Variants in AHNAK2 observed in about 807,000 individuals in gnomAD.
AHNAK2 encodes AHNAK nucleoprotein 2, also known as protein AHNAK2.
A neutral mutation model predicts 30.7 loss-of-function variants in AHNAK2; 18 were observed. The ratio of observed to expected loss-of-function variants is 0.59; its 90% confidence interval spans 0.41 to 0.87. AHNAK2 has a LOEUF of 0.87. Ranked by LOEUF, AHNAK2 falls within the 40% of genes least tolerant of loss-of-function variation. AHNAK2 has a pLI of 0.00. For synonymous variants in AHNAK2, 3,590 were observed against 3,073.8 expected, an observed-to-expected ratio of 1.17 and a Z score of -5.56; for missense variants, 8,604 against 7,373.0, an observed-to-expected ratio of 1.17 and a Z score of -6.11.
Position 104,947,489 on chromosome 14 carries a change from C to T in AHNAK2, c.7962G>A (p.Lys2654=). 1 of 1,612,750 alleles carries T rather than the reference C, an allele frequency of 6.2e-7. No individual in the cohort carries two copies. Among genetic ancestry groups the T allele is most frequent in the Non-Finnish European group, 8.5e-7 (1 of 1,179,540 alleles). Residue 2654 remains lysine (K), a synonymous_variant, in exon 7 of 7, where the codon AAG becomes AAA. Transcript: ENST00000333244. ...KDSKFKMPKF[K]MPSFRVSAPG... Reference sequence around the variant, plus strand: ...GGGCCGACACCCTGAATGATGGCATCTTGAACTTGGGCATTTTGAACTTGC... The same window carrying T: ...GGGCCGACACCCTGAATGATGGCATTTTGAACTTGGGCATTTTGAACTTGC...
rs774100157 is a variant in AHNAK2 at position 104,939,224 on chromosome 14, A to G, written c.16227T>C (p.Thr5409=). The change falls in exon 7 of 7, where the codon ACT becomes ACC. Residue 5409 remains threonine, a synonymous_variant. Transcript: ENST00000333244. The stretch of plus-strand genomic sequence containing the variant: ...CCTCTGGACACTGCACTTCCCTCAC[A>G]GTGGGGATGAACACATCATCCTCTG... ...PSSEDDVFIP[T]VREVQCPEAN... 8 of 1,613,884 alleles carry G rather than the reference A, an allele frequency of 5.0e-6. No homozygotes were observed. Among genetic ancestry groups the G allele is most frequent in the East Asian group, 2.2e-5 (1 of 44,892 alleles).
In AHNAK2 at chr14:104,939,657, G is replaced by A; in HGVS notation, c.15794C>T (p.Ser5265Phe). The change falls in exon 7 of 7, where the codon TCC (serine) becomes TTC (phenylalanine). Residue 5265 changes from serine to phenylalanine, a missense_variant. Transcript: ENST00000333244. ...AEVTASESKS[S>F]TDILRCDLDS... ...AAGATCACACCTTAGAATATCTGTG[G>A]ATGATTTGCTCTCAGAAGCTGTCAC... 1 of 1,613,898 alleles carries A rather than the reference G, an allele frequency of 6.2e-7. No homozygotes were observed. Among genetic ancestry groups the A allele is most frequent in the Non-Finnish European group, 8.5e-7 (1 of 1,179,900 alleles).
At chr14:104,961,255 C>T (rs1454902273) in intron 1 of AHNAK2, among the ~76,000 whole-genome samples, 1 of 152,092 alleles carries the variant, frequency 6.6e-6, no homozygotes, top group Non-Finnish European at 1.5e-5. Flanking sequence ...TGGCTCACGC[C>T]TGTAATCCCA....
Position 104,940,742 on chromosome 14 carries a change from C to G in AHNAK2, c.14709G>C (p.Gln4903His), listed in dbSNP as rs757909298. ...GCAGCTGGGTGCTTGGCAAGGGGCA[C>G]TGCACTCTTTCTCCAGGGCTAAGAG... The part of the protein sequence containing the change: ...MSPLSPGERV[Q>H]CPLPSTQLPS... The change falls in exon 7 of 7, where the codon CAG becomes CAC. Residue 4903 changes from glutamine (Q) to histidine (H), a missense_variant. By Grantham distance (24) the Gln-to-His change is conservative. Transcript: ENST00000333244. The surrounding 1 kb of genome is among the most constrained non-coding windows in gnomAD (Gnocchi z 4.4). The G allele has an allele frequency of 3.7e-6, 6 of 1,612,928 alleles. No individual in the cohort carries two copies. The Admixed American group carries it at 1.0e-4, about 27-fold the overall frequency.
At chr14:104,955,311 T>A in intron 5 of AHNAK2, 170 bp from the exon 6 acceptor site, 4 of 1,273,892 alleles carry the variant, frequency 3.1e-6, no homozygotes, top group Non-Finnish European at 4.2e-6. Context: ...GTGGATGGGG[T>A]CCCCCATTTT....
Position 104,949,505 on chromosome 14 carries a change from A to T in AHNAK2, c.5946T>A (p.Thr1982=), listed in dbSNP as rs752774278. The T allele has an allele frequency of 5.0e-6, 8 of 1,587,948 alleles. 1 individual carries two copies. Among genetic ancestry groups the T allele is most frequent in the East Asian group, 4.5e-5 (2 of 44,632 alleles). ...GCATTTTGAACTTGCTGTCTTTGGC[A>T]GTCATGTCCTTGTCGGCCAGGGACA... ...GDLSLADKDM[T]AKDSKFKMPK... is the part of the protein sequence containing the mutation. The change falls in exon 7 of 7, where the codon ACT becomes ACA. Residue 1982 remains threonine (T), a synonymous_variant. Coordinates refer to ENST00000333244, the MANE Select transcript of AHNAK2 (RefSeq NM_138420.4).
In AHNAK2 at chr14:104,948,795, A is replaced by G. The variant is rs571677006; in HGVS notation, c.6656T>C (p.Val2219Ala). 2 of 1,612,164 alleles carry G rather than the reference A, an allele frequency of 1.2e-6. No homozygotes were observed. The highest frequency in any genetic ancestry group is 2.2e-5 in the East Asian group (1 of 44,704). The stretch of plus-strand genomic sequence containing the variant: ...GGGCACAGGGCCCTCCAGGAGTTTC[A>G]CGTCCACCTGGCCAGCCTGGACCTT... ...DVKVQAGQVDVKLLEGPVPEE... is the reference protein window; with the variant it reads ...DVKVQAGQVDAKLLEGPVPEE... The change falls in exon 7 of 7, where the codon GTG (valine) becomes GCG (alanine). Residue 2219 changes from valine to alanine, a missense_variant. By Grantham distance (64) the Val-to-Ala change is moderately conservative (BLOSUM62 0). Transcript: ENST00000333244.
chr14:104,942,575 A>T lies in AHNAK2; in HGVS notation c.12876T>A (p.Thr4292=), dbSNP rs181294528. The part of the protein sequence containing the change: ...GDLSLADKDM[T]AKDSKFKMPK... ...GCATTTTGAACTTGCTGTCTTTGGC[A>T]GTCATGTCCTTGTCGGCTAGGGACA... The change falls in exon 7 of 7, where the codon ACT becomes ACA. Residue 4292 remains threonine (T), a synonymous_variant. Transcript: ENST00000333244. The T allele has an allele frequency of 4.3e-6, 7 of 1,612,692 alleles. No homozygotes were observed. The highest frequency in any genetic ancestry group is 2.2e-5 in the East Asian group (1 of 44,744).
At position 104,947,419 on chromosome 14, in the gene AHNAK2, C is replaced by T; in HGVS notation, c.8032G>A (p.Val2678Met). 1 of 1,612,768 alleles carries T rather than the reference C, an allele frequency of 6.2e-7. No homozygotes were observed. Among genetic ancestry groups the T allele is most frequent in the Admixed American group, 1.7e-5 (1 of 59,928 alleles). The change falls in exon 7 of 7, where the codon GTG (valine) becomes ATG (methionine). Residue 2678 changes from valine to methionine, a missense_variant. Val to Met is a conservative substitution (Grantham distance 21). Coordinates refer to ENST00000333244, the MANE Select transcript of AHNAK2 (RefSeq NM_138420.4). The stretch of plus-strand genomic sequence containing the variant: ...GAGGGGAGGCTCATGTCGGCTTCCA[C>T]CTTCAGCTCAGACACATCCACCAAC... ...EALVDVSELK[V>M]EADMSLPSMQ...
chr14:104,945,172 C>A lies in AHNAK2; in HGVS notation c.10279G>T (p.Val3427Leu). 1 of 1,613,400 alleles carries A rather than the reference C, an allele frequency of 6.2e-7. No homozygotes were observed. The highest frequency in any genetic ancestry group is 1.1e-5 in the South Asian group (1 of 91,056). The change falls in exon 7 of 7, where the codon GTG becomes TTG. Residue 3427 changes from valine (V) to leucine (L), a missense_variant. Coordinates refer to ENST00000333244, the MANE Select transcript of AHNAK2 (RefSeq NM_138420.4). ...KLDLKVPKAE[V>L]TVPDVEVSLP... ...GACACCTCCACATCAGGGACTGTCA[C>A]TTCCGCCTTGGGGACTTTTAGGTCC...
In AHNAK2 at chr14:104,945,616, C is replaced by T. The variant is rs371023502; in HGVS notation, c.9835G>A (p.Glu3279Lys). The T allele has an allele frequency of 2.1e-5, 34 of 1,586,734 alleles. No homozygotes were observed. Among genetic ancestry groups the T allele is most frequent in the Admixed American group, 5.1e-5 (3 of 58,356 alleles). Residue 3279 changes from glutamate (E) to lysine (K), a missense_variant, in exon 7 of 7, where the codon GAG (glutamate) becomes AAG (lysine). Coordinates refer to ENST00000333244, the MANE Select transcript of AHNAK2 (RefSeq NM_138420.4). Reference protein sequence around the residue: ...VSQPSMEVDVEAPGAKLDGAR... With the variant: ...VSQPSMEVDVKAPGAKLDGAR... ...CCATCCAACTTGGCTCCTGGGGCCT[C>T]GACGTCCACCTCCATGCTGGGCTGA...
chr14:104,954,539 GA>G lies in AHNAK2; in HGVS notation c.911del (p.Leu304ProfsTer84). 1 of 1,610,376 alleles carries G rather than the reference GA, an allele frequency of 6.2e-7. No individual in the cohort carries two copies. ...SPTSTDTEAQ[L>X]TVERQEQKAG... Reference sequence around the variant, plus strand: ...CCTTCTGCTCTTGGCGCTCCACCGTGAGCTGGGCCTCTGTGTCTGTGCTTGT... The same window carrying G: ...CCTTCTGCTCTTGGCGCTCCACCGTGGCTGGGCCTCTGTGTCTGTGCTTGT... On this transcript the variant is annotated frameshift_variant, in exon 7 of 7. Transcript: ENST00000333244. LOFTEE classifies it low-confidence loss of function (END_TRUNC). The surrounding 1 kb of genome is among the most constrained non-coding windows in gnomAD (Gnocchi z 4.3).
At chr14:104,976,642 C>T (rs572571996) in intron 1 of AHNAK2, among the ~76,000 whole-genome samples, 28 of 152,280 alleles carry the variant, frequency 1.8e-4, no homozygotes, top group African/African-American at 5.3e-4. Flanking sequence ...CGGATGGTTC[C>T]GTAGGCTGGA....
Position 104,955,109 on chromosome 14 carries a change from C to G in AHNAK2, c.499G>C (p.Glu167Gln), listed in dbSNP as rs977723093. Residue 167 changes from glutamate (E) to glutamine (Q), a missense_variant, in exon 6 of 7, where the codon GAA becomes CAA. Glu to Gln is a conservative substitution (Grantham distance 29). Coordinates refer to ENST00000333244, the MANE Select transcript of AHNAK2 (RefSeq NM_138420.4). ...AGAGCATCTTCATATTTTATGTTTT[C>G]AAAGAACACGGTTGTACTGAGCAGC... The part of the protein sequence containing the change: ...DQLLSTTVFF[E>Q]NIKYEDALKI... 1 of 1,612,572 alleles carries G rather than the reference C, an allele frequency of 6.2e-7. No homozygotes were observed. The highest frequency in any genetic ancestry group is 1.7e-5 in the Admixed American group (1 of 59,992).
chr14:104,942,597 G>A lies in AHNAK2; in HGVS notation c.12854C>T (p.Ser4285Phe). The A allele has an allele frequency of 1.9e-6, 3 of 1,613,096 alleles. No individual in the cohort carries two copies. The highest frequency in any genetic ancestry group is 2.5e-6 in the Non-Finnish European group (3 of 1,179,568). Reference protein sequence around the residue: ...LDSVRLEGDLSLADKDMTAKD... With the variant: ...LDSVRLEGDLFLADKDMTAKD... Reference sequence around the variant, plus strand: ...GGCAGTCATGTCCTTGTCGGCTAGGGACAGGTCACCCTCCAGCCGCACACT... The same window carrying A: ...GGCAGTCATGTCCTTGTCGGCTAGGAACAGGTCACCCTCCAGCCGCACACT... Residue 4285 changes from serine (S) to phenylalanine (F), a missense_variant, in exon 7 of 7, where the codon TCC (serine) becomes TTC (phenylalanine). Physicochemically the swap from Ser to Phe is radical, Grantham distance 155 (BLOSUM62 -2). Transcript: ENST00000333244.
Position 104,946,806 on chromosome 14 carries a change from G to A in AHNAK2, c.8645C>T (p.Pro2882Leu), listed in dbSNP as rs201434975. 6,317 of 1,467,692 alleles carry A rather than the reference G, an allele frequency of 4.3e-3. 4 individuals carry two copies. Among genetic ancestry groups the A allele is most frequent in the African/African-American group, 0.043 (2,203 of 51,648 alleles). The allele number at this position is 1,467,692 out of a possible 1,614,324, so 90.9% of individuals were successfully genotyped here. ...VQAGQVDVKL[P>L]EGHVPEGAGL... ...GGCTCCCTCGGGAACGTGGCCCTCT[G>A]GGAGTTTCACGTCCACCTGGCCAGC... is the stretch of plus-strand genomic sequence containing the variant. Residue 2882 changes from proline (P) to leucine (L), a missense_variant, in exon 7 of 7, where the codon CCA becomes CTA. Transcript: ENST00000333244.
At position 104,953,242 on chromosome 14, in the gene AHNAK2, C is replaced by T. The variant is rs1428736163; in HGVS notation, c.2209G>A (p.Gly737Ser). 1 of 1,613,130 alleles carries T rather than the reference C, an allele frequency of 6.2e-7. No homozygotes were observed. Among genetic ancestry groups the T allele is most frequent in the Non-Finnish European group, 8.5e-7 (1 of 1,179,696 alleles). Residue 737 changes from glycine (G) to serine (S), a missense_variant, in exon 7 of 7, where the codon GGC becomes AGC. Coordinates refer to ENST00000333244, the MANE Select transcript of AHNAK2 (RefSeq NM_138420.4). ...TCCGGAAGTTTCACATCCACTTGGCCATCCTGGACCTCCAGGTCAGCGGAA... is the reference window on the plus strand; with the variant it reads ...TCCGGAAGTTTCACATCCACTTGGCTATCCTGGACCTCCAGGTCAGCGGAA... Reference protein sequence around the residue: ...TPSADLEVQDGQVDVKLPEGP... With the variant: ...TPSADLEVQDSQVDVKLPEGP...
chr14:104,966,243 G>A lies in AHNAK2; in HGVS notation c.56-8571C>T, dbSNP rs564411598. On this transcript the variant is annotated intron_variant, in intron 1 of 6. Transcript: ENST00000333244. The surrounding 1 kb of genome is among the most constrained non-coding windows in gnomAD (Gnocchi z 4.3). ...ATCCCGGCCCCGCCACCTTCCTACTGCTCCGGGGGCCAGGCCCAGACCCCT... is the reference window on the plus strand; with the variant it reads ...ATCCCGGCCCCGCCACCTTCCTACTACTCCGGGGGCCAGGCCCAGACCCCT... 6.6e-6 allele frequency among the ~76,000 whole-genome samples: 1 copy of A among 151,978 alleles called. No individual in the cohort carries two copies. Among genetic ancestry groups the A allele is most frequent in the Non-Finnish European group, 1.5e-5 (1 of 67,976 alleles).
intron 1 of AHNAK2, among the ~76,000 whole-genome samples, chr14:104,958,528 C>T (rs967317239): frequency 1.3e-5 from 2 of 152,046 alleles, no homozygotes; most frequent in East Asian, 3.8e-4. Context: ...TTAACAATGG[C>T]TCAATGAAGA....
Sources: allele counts gnomAD v4.1 joint callset (sites outside exome capture counted in the v4.1 genomes callset), GRCh38; gene constraint gnomAD v4.1.1; non-coding constraint Gnocchi (gnomAD v3.1); transcripts MANE v1.5; gene names NCBI Gene and HGNC (gene_info 2026-07-23, HGNC 2026-07-21).